Variants in WWOX observed in about 807,000 individuals in gnomAD.
WWOX encodes WW domain-containing oxidoreductase.
Under a neutral mutation model 46.2 loss-of-function variants are expected in WWOX, and 69 were observed. The observed-to-expected ratio is 1.49, with a 90% CI of 1.23 to 1.82. The LOEUF (loss-of-function observed/expected upper bound fraction) is 1.82. Among genes scored for constraint, WWOX ranks in the 40% most tolerant of loss-of-function variants. The probability of loss-of-function intolerance (pLI) is 0.00; values close to 1 mark genes in which losing one functional copy is unlikely to be tolerated. For missense variants in WWOX, 919 were observed against 542.6 expected (o/e 1.69, Z -6.89); for synonymous variants, 359 against 202.6 (o/e 1.77, Z -6.56).
chr16:78,691,576 T>C (rs1489779498), intron 8 of WWOX, among the ~76,000 whole-genome samples: 1 of 152,030 alleles, frequency 6.6e-6, no homozygotes, highest in Admixed American at 6.6e-5. Flanking sequence ...GGTATAGTGG[T>C]GTGCACCTGA....
intron 8 of WWOX, among the ~76,000 whole-genome samples, chr16:78,684,316 G>C (rs1246282049): frequency 6.6e-6 from 1 of 152,186 alleles, no homozygotes; most frequent in African/African-American, 2.4e-5. Context: ...GGGAGCGGTG[G>C]CAGGTAATAC....
At chr16:78,660,794 G>C (rs1299491724) in intron 8 of WWOX, among the ~76,000 whole-genome samples, 1 of 152,182 alleles carries the variant, frequency 6.6e-6, no homozygotes, top group Non-Finnish European at 1.5e-5. Flanking sequence ...ATCAGTTGCA[G>C]ATATGGATAG....
In WWOX at chr16:79,084,153, C is replaced by G. The variant is rs933608557; in HGVS notation, c.1057-127455C>G. ...TGAGGAGACCAAAGGAGGGTGGGGC[C>G]GCAGCTCTCAGGCACTCTTGGTGTT... On this transcript the variant is annotated intron_variant, in intron 8 of 8. Transcript: ENST00000566780. 2.0e-5 allele frequency among the ~76,000 whole-genome samples: 3 copies of G among 152,006 alleles called. No homozygotes were observed. In the East Asian group the frequency reaches 5.8e-4, roughly 29 times the overall value.
chr16:78,354,038 C>T (rs927547278), intron 5 of WWOX, among the ~76,000 whole-genome samples: 10 of 152,160 alleles, frequency 6.6e-5, no homozygotes, highest in African/African-American at 9.7e-5. Context: ...ATTCAGTCTA[C>T]GCAAGGGTAT....
intron 8 of WWOX, among the ~76,000 whole-genome samples, chr16:78,888,849 C>G (rs1236291415): frequency 6.6e-6 from 1 of 152,016 alleles, no homozygotes; most frequent in Non-Finnish European, 1.5e-5. Flanking sequence ...AACTATGTCT[C>G]AAGACTGCCC....
chr16:78,668,621 G>A (rs1211060957), intron 8 of WWOX, among the ~76,000 whole-genome samples: 1 of 152,198 alleles, frequency 6.6e-6, no homozygotes, highest in African/African-American at 2.4e-5. Context: ...CGGGGAACAG[G>A]TGAAGGAGTG....
chr16:79,142,816 A>C (rs1159881424), intron 8 of WWOX, among the ~76,000 whole-genome samples: 1 of 152,136 alleles, frequency 6.6e-6, no homozygotes, highest in East Asian at 1.9e-4. Context: ...CTCCTGCCTC[A>C]GTCTCCCAAG....
chr16:79,071,571 G>A (rs1014596468), intron 8 of WWOX, among the ~76,000 whole-genome samples: 1 of 152,170 alleles, frequency 6.6e-6, no homozygotes, highest in African/African-American at 2.4e-5. Flanking sequence ...CCTAAGAAAG[G>A]CTTCACTGGC....
chr16:78,527,858 C>T (rs1025780667), intron 8 of WWOX, among the ~76,000 whole-genome samples: 2 of 151,760 alleles, frequency 1.3e-5, no homozygotes, highest in African/African-American at 4.8e-5. Context: ...GGGCAAAGGC[C>T]AGGGATAGTG....
chr16:78,544,799 C>T (rs1003654461), intron 8 of WWOX, among the ~76,000 whole-genome samples: 2 of 152,026 alleles, frequency 1.3e-5, no homozygotes, highest in Admixed American at 1.3e-4. Flanking sequence ...CACTTCAGCC[C>T]AGAAGTTCAA....
chr16:78,573,529 C>T (rs972607790), intron 8 of WWOX, among the ~76,000 whole-genome samples: 3 of 152,322 alleles, frequency 2.0e-5, no homozygotes, highest in African/African-American at 7.2e-5. Context: ...CATCACTCCT[C>T]TGCTCAAAAA....
At chr16:78,100,678 G>T (rs541752214) in intron 1 of WWOX, among the ~76,000 whole-genome samples, 52 of 152,320 alleles carry the variant, frequency 3.4e-4, no homozygotes, top group African/African-American at 1.2e-3. Context: ...TTTAATCTTG[G>T]TTTTTTCACC....
At chr16:78,551,982 T>A (rs2044184952) in intron 8 of WWOX, 1 of 152,216 alleles carries the variant, frequency 6.6e-6, no homozygotes, top group South Asian at 2.1e-4. Context: ...GGCTCTCTGC[T>A]GTGTTAACAG....
At chr16:79,166,524 G>T (rs552598237) in intron 8 of WWOX, among the ~76,000 whole-genome samples, 1 of 152,208 alleles carries the variant, frequency 6.6e-6, no homozygotes, top group African/African-American at 2.4e-5. Context: ...GCAGTAGTCC[G>T]CATTTTCAAC....
chr16:78,734,120 A>G (rs1472265026), intron 8 of WWOX, among the ~76,000 whole-genome samples: 1 of 152,118 alleles, frequency 6.6e-6, no homozygotes, highest in Non-Finnish European at 1.5e-5. Flanking sequence ...TCATACACAC[A>G]CGTAAAATGA....
chr16:78,500,341 G>A (rs772584950), intron 8 of WWOX, among the ~76,000 whole-genome samples: 7 of 152,148 alleles, frequency 4.6e-5, no homozygotes, highest in African/African-American at 9.7e-5. Context: ...CTGCCATTCA[G>A]TTTTACTCTG....
At chr16:78,269,655 C>A (rs892245496) in intron 5 of WWOX, among the ~76,000 whole-genome samples, 1 of 152,158 alleles carries the variant, frequency 6.6e-6, no homozygotes, top group Non-Finnish European at 1.5e-5. Flanking sequence ...CTAATGGAAG[C>A]CTTTTGAATC....
intron 5 of WWOX, among the ~76,000 whole-genome samples, chr16:78,262,784 T>C (rs1191503337): frequency 6.6e-6 from 1 of 152,174 alleles, no homozygotes; most frequent in Non-Finnish European, 1.5e-5. Context: ...TCTTTAAATA[T>C]AGGCCCATCT....
chr16:78,835,256 C>A (rs998295310), intron 8 of WWOX, among the ~76,000 whole-genome samples: 1 of 152,180 alleles, frequency 6.6e-6, no homozygotes, highest in African/African-American at 2.4e-5. Context: ...ATTTATTCAC[C>A]TTCCGAGATT....
Sources: allele counts gnomAD v4.1 joint callset (sites outside exome capture counted in the v4.1 genomes callset), GRCh38; gene constraint gnomAD v4.1.1; transcripts MANE v1.5; gene names NCBI Gene and HGNC (gene_info 2026-07-23, HGNC 2026-07-21).